The following NRXN1 variants were observed in gnomAD, a reference collection of about 807,000 sequenced individuals.
The protein encoded by NRXN1 is neurexin-1.
In NRXN1, 39 loss-of-function variants were observed where a neutral mutation model predicts 150.9. The ratio of observed to expected loss-of-function variants is 0.26; its 90% CI spans 0.20 to 0.34. NRXN1 has a LOEUF of 0.34. Among genes scored for constraint, NRXN1 ranks in the 10% least tolerant of loss-of-function variants. The probability of loss-of-function intolerance (pLI) is 1.00; values close to 1 mark genes in which losing one functional copy is unlikely to be tolerated. For missense variants in NRXN1, 1,815 were observed against 1,949.9 expected (o/e 0.93, Z 1.30); for synonymous variants, 924 against 757.0 (o/e 1.22, Z -3.62).
intron 18 of NRXN1, among the ~76,000 whole-genome samples, chr2:50,116,853 T>C (rs929977510): frequency 2.6e-5 from 4 of 152,146 alleles, no homozygotes; most frequent in Non-Finnish European, 5.9e-5. Flanking sequence ...CAGGGTGGTT[T>C]TTCTTAAGCA....
chr2:50,971,880 T>G (rs1436019337), intron 2 of NRXN1, among the ~76,000 whole-genome samples: 3 of 152,164 alleles, frequency 2.0e-5, no homozygotes, highest in African/African-American at 7.2e-5. Flanking sequence ...TAAATAGCAG[T>G]GTCCCTGCCC....
Position 50,506,486 on chromosome 2 carries a change from G to A in NRXN1, c.2497+9C>T. 6.2e-7 allele frequency: 1 copy of A among 1,611,300 alleles called. No homozygotes were observed. Among genetic ancestry groups the A allele is most frequent in the Non-Finnish European group, 8.5e-7 (1 of 1,178,304 alleles). On this transcript the variant is annotated intron_variant, in intron 13 of 22. Coordinates refer to ENST00000401669, the MANE Select transcript of NRXN1 (RefSeq NM_001330078.2). Reference sequence around the variant, plus strand: ...GCATAGGAAAAGACAATGGGACAGAGGTGTTTACCTGTCATGGCCTGTTGG... The same window carrying A: ...GCATAGGAAAAGACAATGGGACAGAAGTGTTTACCTGTCATGGCCTGTTGG...
At chr2:50,567,430 A>G (rs1340725309) in intron 8 of NRXN1, among the ~76,000 whole-genome samples, 2 of 152,194 alleles carry the variant, frequency 1.3e-5, no homozygotes, top group African/African-American at 4.8e-5. Context: ...GTGAGGGGTC[A>G]GGTAAGTGAG....
At chr2:50,663,009 T>C (rs1518541) in intron 5 of NRXN1, among the ~76,000 whole-genome samples, 18 of 152,152 alleles carry the variant, frequency 1.2e-4, no homozygotes, top group African/African-American at 4.3e-4. Context: ...TTCTGATAAA[T>C]CATTAGGATG....
Position 50,656,833 on chromosome 2 carries a change from T to C in NRXN1, c.833-33218A>G, listed in dbSNP as rs546881726. 9.9e-5 allele frequency among the ~76,000 whole-genome samples: 15 copies of C among 152,096 alleles called. No homozygotes were observed. The South Asian group carries it at 2.9e-3, about 29-fold the overall frequency. ...AAAATAACTTCATTATTAGAGATGC[T>C]ATCATTGAAATTAATTCACTGGTTA... is the stretch of plus-strand genomic sequence containing the variant. On this transcript the variant is annotated intron_variant, in intron 5 of 22. Coordinates refer to ENST00000401669, the MANE Select transcript of NRXN1 (RefSeq NM_001330078.2).
At chr2:50,193,109 C>T (rs1017865530) in intron 18 of NRXN1, among the ~76,000 whole-genome samples, 1 of 152,024 alleles carries the variant, frequency 6.6e-6, no homozygotes, top group Non-Finnish European at 1.5e-5. Flanking sequence ...TATTGCATTC[C>T]TTTACTTATT....
At position 50,687,221 on chromosome 2, in the gene NRXN1, G is replaced by T. The variant is rs553308018; in HGVS notation, c.833-63606C>A. On this transcript the variant is annotated intron_variant, in intron 5 of 22. Coordinates refer to ENST00000401669, the MANE Select transcript of NRXN1 (RefSeq NM_001330078.2). ...CCTCATTTACCTAGGCATTTCCTGG[G>T]AAGGAGCAATTCTGGATAACTGAAT... Among the ~76,000 whole-genome samples the T allele has an allele frequency of 5.8e-4, 89 of 152,268 alleles. 2 individuals carry two copies. The South Asian group carries it at 0.017, about 29-fold the overall frequency.
At chr2:50,001,218 G>T (rs990992692) in intron 21 of NRXN1, among the ~76,000 whole-genome samples, 3 of 152,050 alleles carry the variant, frequency 2.0e-5, no homozygotes, top group African/African-American at 7.2e-5. Flanking sequence ...ACTGTGGATG[G>T]TAATCTTTAT....
At chr2:51,006,775 A>G (rs887573743) in intron 2 of NRXN1, among the ~76,000 whole-genome samples, 2 of 151,890 alleles carry the variant, frequency 1.3e-5, no homozygotes, top group Non-Finnish European at 2.9e-5. Flanking sequence ...TCAAATGAGT[A>G]AGTGTCTTTT....
At chr2:50,761,049 G>T (rs1574384106) in intron 5 of NRXN1, among the ~76,000 whole-genome samples, 1 of 152,080 alleles carries the variant, frequency 6.6e-6, no homozygotes, top group South Asian at 2.1e-4. Context: ...GCCTAATTCT[G>T]TCAAGCCCTT....
At chr2:50,452,279 A>G (rs1019392953) in intron 17 of NRXN1, among the ~76,000 whole-genome samples, 2 of 152,208 alleles carry the variant, frequency 1.3e-5, no homozygotes, top group African/African-American at 2.4e-5. Flanking sequence ...AGATTCGTGT[A>G]CTGTGGCTGA....
intron 5 of NRXN1, among the ~76,000 whole-genome samples, chr2:50,840,127 T>A (rs1672658962): frequency 6.6e-6 from 1 of 152,164 alleles, no homozygotes; most frequent in Non-Finnish European, 1.5e-5. Context: ...TCAGATTGAA[T>A]GATATATAGT....
rs182580596 is a variant in NRXN1, at chr2:50,941,460, A to G, written c.773-15505T>C. 8.1e-4 allele frequency among the ~76,000 whole-genome samples: 123 copies of G among 152,288 alleles called. 1 individual carries two copies. Among genetic ancestry groups the G allele is most frequent in the African/African-American group, 2.8e-3 (115 of 41,556 alleles). ...CTTGTTGAATGGTCCTGACCAAAAT[A>G]CTGATAGTGATATTAACAATGAAGT... is the stretch of plus-strand genomic sequence containing the variant. On this transcript the variant is annotated intron_variant, in intron 2 of 22. Coordinates refer to ENST00000401669, the MANE Select transcript of NRXN1 (RefSeq NM_001330078.2).
At chr2:49,989,664 C>A (rs1681579744) in intron 21 of NRXN1, among the ~76,000 whole-genome samples, 1 of 152,070 alleles carries the variant, frequency 6.6e-6, no homozygotes, top group South Asian at 2.1e-4. Context: ...TTTAAGAAAA[C>A]AGGACTTTGT....
intron 2 of NRXN1, among the ~76,000 whole-genome samples, chr2:51,008,852 A>G (rs890815541): frequency 2.0e-5 from 3 of 151,750 alleles, no homozygotes; most frequent in African/African-American, 7.3e-5. Flanking sequence ...TCGTGATAAT[A>G]TTAAGGTTAT....
At chr2:50,566,030 T>C (rs1026537863) in intron 8 of NRXN1, among the ~76,000 whole-genome samples, 1 of 152,266 alleles carries the variant, frequency 6.6e-6, no homozygotes, top group South Asian at 2.1e-4. Context: ...GGGAGGGCTG[T>C]GCTCATTAGC....
intron 17 of NRXN1, among the ~76,000 whole-genome samples, chr2:50,433,414 T>C (rs1368964254): frequency 2.0e-5 from 3 of 152,210 alleles, no homozygotes; most frequent in Admixed American, 1.3e-4. Flanking sequence ...ATGCCATGTG[T>C]TATTATTATT....
intron 5 of NRXN1, among the ~76,000 whole-genome samples, chr2:50,813,909 A>G (rs1668568608): frequency 6.6e-6 from 1 of 151,870 alleles, no homozygotes; most frequent in South Asian, 2.1e-4. Flanking sequence ...TTCTGATCTT[A>G]CTAATATATT....
At chr2:50,603,618 G>A (rs1676627404) in intron 8 of NRXN1, among the ~76,000 whole-genome samples, 1 of 152,110 alleles carries the variant, frequency 6.6e-6, no homozygotes. Context: ...GTCACTTAGT[G>A]TGATATGCTG....
Sources: allele counts gnomAD v4.1 joint callset (sites outside exome capture counted in the v4.1 genomes callset), GRCh38; gene constraint gnomAD v4.1.1; transcripts MANE v1.5; gene names NCBI Gene and HGNC (gene_info 2026-07-23, HGNC 2026-07-21).